Variants in CHCT1 observed in about 807,000 individuals in gnomAD.
CHCT1 encodes CHD1 helical C-terminal domain containing protein 1.
chr17:60,427,473 C>T, the CHCT1 span, among the ~76,000 whole-genome samples: 94 of 151,812 alleles, frequency 6.2e-4, no homozygotes, highest in Non-Finnish European at 1.1e-3. Flanking sequence ...GCTGGAGTGT[C>T]GTGGCGCGAT....
the CHCT1 span, chr17:60,431,350 T>C: frequency 1.0e-6 from 1 of 958,688 alleles, no homozygotes; most frequent in South Asian, 1.6e-5. Context: ...AGAATTGTCC[T>C]TATCAAAAAG....
chr17:60,427,326 G>A, the CHCT1 span, among the ~76,000 whole-genome samples: 2 of 152,254 alleles, frequency 1.3e-5, no homozygotes, highest in South Asian at 2.1e-4. Context: ...GGAAGGGGTC[G>A]CAACTTCCAA....
At chr17:60,423,010 TC>T in the CHCT1 span, among the ~76,000 whole-genome samples, 1 of 151,978 alleles carries the variant, frequency 6.6e-6, no homozygotes, top group Non-Finnish European at 1.5e-5. Context: ...TGCACCTCCC[TC>T]CCCCTGGCCT....
chr17:60,430,878 G>A, the CHCT1 span, among the ~76,000 whole-genome samples: 4 of 152,246 alleles, frequency 2.6e-5, no homozygotes, highest in African/African-American at 9.6e-5. Flanking sequence ...AAGAATCAGA[G>A]GTTGGAGCCA....
chr17:60,429,707 C>T, the CHCT1 span: 1 of 657,738 alleles, frequency 1.5e-6, no homozygotes, highest in Non-Finnish European at 2.4e-6. Context: ...TCTCTTCATC[C>T]CGCATTTTCC....
chr17:60,422,256 C>T, the CHCT1 span: 24 of 361,878 alleles, frequency 6.6e-5, no homozygotes, highest in African/African-American at 4.7e-4. Context: ...CAGGTGGTGT[C>T]AGGATCAGCA....
the CHCT1 span, among the ~76,000 whole-genome samples, chr17:60,430,665 G>A: frequency 6.6e-6 from 1 of 152,156 alleles, no homozygotes; most frequent in Non-Finnish European, 1.5e-5. Context: ...ATTTTTAGTA[G>A]AGATGGGGTT....
the CHCT1 span, among the ~76,000 whole-genome samples, chr17:60,430,445 C>T: frequency 1.3e-5 from 2 of 151,882 alleles, no homozygotes; most frequent in Admixed American, 6.6e-5. Flanking sequence ...TGTGGTATTT[C>T]TTTGGCACTA....
At chr17:60,425,956 C>T in the CHCT1 span, 11 of 1,386,182 alleles carry the variant, frequency 7.9e-6, no homozygotes, top group Admixed American at 2.0e-5. Flanking sequence ...CAGGAAATGG[C>T]AGGCCTCAGA....
At chr17:60,425,198 C>T in the CHCT1 span, among the ~76,000 whole-genome samples, 8 of 152,180 alleles carry the variant, frequency 5.3e-5, no homozygotes, top group East Asian at 1.3e-3. Flanking sequence ...CCTTCCATCT[C>T]CTCACTGAGC....
At chr17:60,431,364 C>A in the CHCT1 span, 1 of 823,318 alleles carries the variant, frequency 1.2e-6, no homozygotes, top group Non-Finnish European at 1.9e-6. Context: ...CAAAAAGATT[C>A]TCAGGTCTTA....
the CHCT1 span, among the ~76,000 whole-genome samples, chr17:60,425,505 G>A: frequency 2.6e-5 from 4 of 152,220 alleles, no homozygotes; most frequent in Non-Finnish European, 5.9e-5. Flanking sequence ...TTTGCGGGAA[G>A]ATAAAATGAG....
chr17:60,426,175 A>G, the CHCT1 span: 1 of 1,551,646 alleles, frequency 6.4e-7, no homozygotes, highest in Non-Finnish European at 8.7e-7. Context: ...AAGAATACCT[A>G]AGACCGCTGA....
chr17:60,423,811 T>C, the CHCT1 span, among the ~76,000 whole-genome samples: 1 of 152,234 alleles, frequency 6.6e-6, no homozygotes, highest in Admixed American at 6.5e-5. Flanking sequence ...AAAGGTTCTT[T>C]CTCATCATCA....
chr17:60,431,203 A>G, the CHCT1 span: 2 of 1,603,882 alleles, frequency 1.2e-6, no homozygotes, highest in South Asian at 2.2e-5. Context: ...AGCTTTCTCA[A>G]AAACCAAAAC....
At chr17:60,431,195 C>G in the CHCT1 span, 58 of 1,600,994 alleles carry the variant, frequency 3.6e-5, no homozygotes, top group Non-Finnish European at 4.9e-5. Context: ...TTTAAGGGAG[C>G]TTTCTCAAAA....
At chr17:60,425,455 T>C in the CHCT1 span, among the ~76,000 whole-genome samples, 1 of 152,214 alleles carries the variant, frequency 6.6e-6, no homozygotes, top group Non-Finnish European at 1.5e-5. Context: ...AGCAGGCATA[T>C]AAACCTGTTG....
the CHCT1 span, chr17:60,429,597 G>A: frequency 1.3e-6 from 2 of 1,585,762 alleles, no homozygotes; most frequent in Non-Finnish European, 1.7e-6. Flanking sequence ...CTGGACCCAG[G>A]AGTTTGTGAG....
At chr17:60,421,346 A>G in the CHCT1 span, 1 of 985,234 alleles carries the variant, frequency 1.0e-6, no homozygotes, top group Non-Finnish European at 1.2e-6. Context: ...GCTCCTCCAA[A>G]GCTCCGGGCC....
Sources: gnomAD v4.1 joint callset for allele counts (sites outside exome capture counted in the v4.1 genomes callset) on GRCh38, gnomAD v4.1.1 for gene constraint, MANE v1.5 for transcripts, NCBI Gene and HGNC (gene_info 2026-07-23, HGNC 2026-07-21) for gene names.